The following CCDC92B variants were observed in gnomAD, a reference collection of about 807,000 sequenced individuals.
CCDC92B encodes the protein coiled-coil domain containing 92B, also known as coiled-coil domain-containing 92B.
A neutral mutation model predicts 5.6 loss-of-function variants in CCDC92B; 2 were observed. That is an observed-to-expected ratio of 0.36 (90% CI 0.15 to 1.12). CCDC92B has a LOEUF of 1.12. Among genes scored for constraint, CCDC92B ranks in the 50% most tolerant of loss-of-function variants. The pLI is 0.40. For missense variants in CCDC92B, 271 were observed against 262.2 expected, an observed-to-expected ratio of 1.03 and a Z score of -0.23; for synonymous variants, 115 against 122.3, an observed-to-expected ratio of 0.94 and a Z score of 0.39.
Position 2,723,910 on chromosome 17 carries a change from C to G in CCDC92B, c.*501G>C, listed in dbSNP as rs1287270632. On this transcript the variant is annotated 3_prime_UTR_variant, in exon 4 of 4. Coordinates refer to ENST00000614400, the MANE Select transcript of CCDC92B (RefSeq NM_001355573.2). ...AGGGTGGGGGTAGAAGGACCAGCCCCTAGCCTGGGCCTCTCCTGGGGAGGA... is the reference window on the plus strand; with the variant it reads ...AGGGTGGGGGTAGAAGGACCAGCCCGTAGCCTGGGCCTCTCCTGGGGAGGA... 3 of 982,164 alleles carry G rather than the reference C, an allele frequency of 3.1e-6. No individual in the cohort carries two copies. Among genetic ancestry groups the G allele is most frequent in the Non-Finnish European group, 3.6e-6 (3 of 828,714 alleles). The allele number at this position is 982,164 out of a possible 1,614,324, so 60.8% of individuals were successfully genotyped here.
In CCDC92B at chr17:2,723,970, T is replaced by A. The variant is rs1023309081; in HGVS notation, c.*441A>T. 2 of 510,398 alleles carry A rather than the reference T, an allele frequency of 3.9e-6. No homozygotes were observed. Among genetic ancestry groups the A allele is most frequent in the African/African-American group, 9.5e-5 (1 of 10,516 alleles). 31.6% of individuals were successfully genotyped at this position (510,398 alleles called of 1,614,324 possible). ...GGCGGGAAGGGCGTCGGCGCGGGGG[T>A]GGGGGAGGCGGGGGGTGGGGAGCTA... On this transcript the variant is annotated 3_prime_UTR_variant, in exon 4 of 4. Transcript: ENST00000614400.
At position 2,721,581 on chromosome 17, in the gene CCDC92B, C is replaced by T. The variant is rs2070657029; in HGVS notation, c.*2830G>A. On this transcript the variant is annotated 3_prime_UTR_variant, in exon 4 of 4. Transcript: ENST00000614400. Reference sequence around the variant, plus strand: ...AAGAGCGGGCCATGCACTCCAGCTCCCAGTCTCGTTCTGCTGCACAGAGGG... The same window carrying T: ...AAGAGCGGGCCATGCACTCCAGCTCTCAGTCTCGTTCTGCTGCACAGAGGG... The T allele has an allele frequency of 6.6e-6, 1 of 152,268 alleles. No individual in the cohort carries two copies. Among genetic ancestry groups the T allele is most frequent in the South Asian group, 2.1e-4 (1 of 4,840 alleles). 9.4% of individuals were successfully genotyped at this position (152,268 alleles called of 1,614,324 possible). A position where few individuals can be genotyped will look rare whatever the true frequency, so the allele number is the denominator to read the frequency against.
intron 3 of CCDC92B, among the ~76,000 whole-genome samples, chr17:2,728,482 T>A (rs1442544690): frequency 6.6e-6 from 1 of 151,590 alleles, no homozygotes; most frequent in Non-Finnish European, 1.5e-5. Context: ...GGCGGGCGCC[T>A]GTAGTCCCAG....
chr17:2,737,755 C>T (rs1209685539), intron 1 of CCDC92B, among the ~76,000 whole-genome samples: 2 of 151,956 alleles, frequency 1.3e-5, no homozygotes, highest in Admixed American at 6.6e-5. Context: ...GTATTACGGG[C>T]GTGAGCCACC....
intron 1 of CCDC92B, chr17:2,748,158 C>T (rs772015030): frequency 2.8e-5 from 15 of 535,992 alleles, no homozygotes; most frequent in South Asian, 2.1e-4. Flanking sequence ...ATCTTCTTCT[C>T]TTTTGGATTC....
intron 1 of CCDC92B, among the ~76,000 whole-genome samples, chr17:2,737,481 T>C (rs1436891384): frequency 7.5e-6 from 1 of 133,484 alleles, no homozygotes; most frequent in Admixed American, 7.5e-5. Context: ...TTTTTTTTTT[T>C]TTTTTTTTTT....
chr17:2,733,329 G>A lies in CCDC92B; in HGVS notation c.130+1687C>T, dbSNP rs575817379. 7.4e-5 allele frequency among the ~76,000 whole-genome samples: 11 copies of A among 149,010 alleles called. No individual in the cohort carries two copies. In the East Asian group the frequency reaches 2.0e-3, roughly 27 times the overall value. On this transcript the variant is annotated intron_variant, in intron 2 of 3. Coordinates refer to ENST00000614400, the MANE Select transcript of CCDC92B (RefSeq NM_001355573.2). ...GGCTGGAGTGCAATGGCATGATCTC[G>A]GCTCACCGCAACCTCCGCCTCCCAG...
chr17:2,740,203 T>C (rs1326045847), intron 1 of CCDC92B, among the ~76,000 whole-genome samples: 2 of 152,072 alleles, frequency 1.3e-5, no homozygotes, highest in Admixed American at 1.3e-4. Context: ...GGTATGCAGC[T>C]GCTCTGCTCG....
At chr17:2,739,366 AAAAT>A (rs1030850514) in intron 1 of CCDC92B, among the ~76,000 whole-genome samples, 2 of 151,306 alleles carry the variant, frequency 1.3e-5, no homozygotes, top group African/African-American at 4.9e-5. Flanking sequence ...ACTCCATCTC[AAAAT>A]AAATAAATAA....
chr17:2,737,371 C>A (rs1160881764), intron 1 of CCDC92B, among the ~76,000 whole-genome samples: 2 of 151,814 alleles, frequency 1.3e-5, no homozygotes, highest in African/African-American at 4.8e-5. Flanking sequence ...TCGAGCAGGT[C>A]CCCCTGAGAA....
In CCDC92B at chr17:2,720,892, A is replaced by T. The variant is rs2070646378; in HGVS notation, c.*3519T>A. The T allele has an allele frequency of 1.3e-5, 2 of 152,380 alleles. No individual in the cohort carries two copies. The highest frequency in any genetic ancestry group is 1.3e-4 in the Admixed American group (2 of 15,308). 9.4% of individuals were successfully genotyped at this position (152,380 alleles called of 1,614,324 possible). A position where few individuals can be genotyped will look rare whatever the true frequency, so the allele number is the denominator to read the frequency against. On this transcript the variant is annotated 3_prime_UTR_variant, in exon 4 of 4. Coordinates refer to ENST00000614400, the MANE Select transcript of CCDC92B (RefSeq NM_001355573.2). ...TCTGTGGGTGAGTGAATACACTCTG[A>T]AAAGCATTGGATACAAAAGCGCAGC...
Position 2,730,455 on chromosome 17 carries a change from G to A in CCDC92B, c.169C>T (p.His57Tyr), listed in dbSNP as rs1408358829. 4 of 985,268 alleles carry A rather than the reference G, an allele frequency of 4.1e-6. No individual in the cohort carries two copies. Among genetic ancestry groups the A allele is most frequent in the South Asian group, 9.4e-5 (2 of 21,266 alleles). The allele number at this position is 985,268 out of a possible 1,614,324, so 61.0% of individuals were successfully genotyped here. A position where few individuals can be genotyped will look rare whatever the true frequency, so the allele number is the denominator to read the frequency against. Residue 57 changes from histidine (H) to tyrosine (Y), a missense_variant, in exon 3 of 4, where the codon CAC becomes TAC. Coordinates refer to ENST00000614400, the MANE Select transcript of CCDC92B (RefSeq NM_001355573.2). ...GTGGTCCTTCTCTTACCTTGCTGGTGAGATTGGGCCTCTCTCATTTCCAGG... is the reference window on the plus strand; with the variant it reads ...GTGGTCCTTCTCTTACCTTGCTGGTAAGATTGGGCCTCTCTCATTTCCAGG... ...HDLEMREAQSHQQEAASRELE... is the reference protein window; with the variant it reads ...HDLEMREAQSYQQEAASRELE...
intron 1 of CCDC92B, among the ~76,000 whole-genome samples, chr17:2,746,972 T>C (rs977866075): frequency 6.6e-6 from 1 of 152,184 alleles, no homozygotes. Flanking sequence ...GCGCCTGGCC[T>C]GCTAACCAGC....
chr17:2,729,481 C>G (rs868294173), intron 3 of CCDC92B, among the ~76,000 whole-genome samples: 22 of 112,796 alleles, frequency 2.0e-4, no homozygotes, highest in Middle Eastern at 8.5e-3. Context: ...GCGACAAGAG[C>G]GAGACTCCGT....
chr17:2,739,452 A>G (rs1436742241), intron 1 of CCDC92B, among the ~76,000 whole-genome samples: 2 of 151,252 alleles, frequency 1.3e-5, no homozygotes, highest in African/African-American at 2.4e-5. Context: ...AGGCAGAGGC[A>G]GGCAGATCAG....
At chr17:2,747,951 T>C (rs1000194223) in intron 1 of CCDC92B, 5 of 341,650 alleles carry the variant, frequency 1.5e-5, no homozygotes, top group Admixed American at 1.2e-4. Flanking sequence ...ACGTTGAAGA[T>C]TCTATTAATG....
intron 1 of CCDC92B, among the ~76,000 whole-genome samples, chr17:2,747,563 C>T (rs543382037): frequency 5.9e-5 from 9 of 152,114 alleles, no homozygotes; most frequent in Non-Finnish European, 1.3e-4. Flanking sequence ...CCCATCTCTA[C>T]TAAAAATACA....
chr17:2,738,140 A>G (rs1454437613), intron 1 of CCDC92B, among the ~76,000 whole-genome samples: 2 of 151,862 alleles, frequency 1.3e-5, no homozygotes, highest in Non-Finnish European at 2.9e-5. Context: ...CCTGGGCTCA[A>G]GCAATCCTTC....
rs1404830987 is a variant in CCDC92B, at chr17:2,723,816, CA to C, written c.*594del. 2.8e-6 allele frequency: 1 copy of C among 355,290 alleles called. No homozygotes were observed. The highest frequency in any genetic ancestry group is 1.7e-4 in the East Asian group (1 of 6,032). 22.0% of individuals were successfully genotyped at this position (355,290 alleles called of 1,614,324 possible). Reference sequence around the variant, plus strand: ...CTTCCATCAGGCGCACTTTTCCCACCAGGGGCTCTGGGAGGACGTGTCTTCT... The same window carrying C: ...CTTCCATCAGGCGCACTTTTCCCACCGGGGCTCTGGGAGGACGTGTCTTCT... On this transcript the variant is annotated 3_prime_UTR_variant, in exon 4 of 4. Coordinates refer to ENST00000614400, the MANE Select transcript of CCDC92B (RefSeq NM_001355573.2).
Sources: gnomAD v4.1 joint callset for allele counts (sites outside exome capture counted in the v4.1 genomes callset) on GRCh38, gnomAD v4.1.1 for gene constraint, MANE v1.5 for transcripts, NCBI Gene and HGNC (gene_info 2026-07-23, HGNC 2026-07-21) for gene names.